ARHGEF3: variants seen among roughly 807,000 people sequenced by gnomAD.
ARHGEF3 encodes the protein Rho guanine nucleotide exchange factor 3, also known as 59.8 kDA protein.
ARHGEF3 carries 28 observed loss-of-function variants against 63.2 expected under a neutral mutation model. That is an observed-to-expected ratio of 0.44 (90% CI 0.33 to 0.61). The LOEUF (loss-of-function observed/expected upper bound fraction) is 0.61. Among genes scored for constraint, ARHGEF3 ranks in the 20% least tolerant of loss-of-function variants. ARHGEF3 has a pLI of 0.03. For synonymous variants in ARHGEF3, 266 were observed against 254.2 expected (o/e 1.05, Z -0.44); for missense variants, 533 against 659.3 (o/e 0.81, Z 2.10).
At chr3:56,863,212 A>T (rs1156987125) in intron 4 of ARHGEF3, among the ~76,000 whole-genome samples, 3 of 151,698 alleles carry the variant, frequency 2.0e-5, no homozygotes, top group Non-Finnish European at 4.4e-5. Flanking sequence ...ATCTCGGCAC[A>T]CTATAACCTC....
intron 3 of ARHGEF3, among the ~76,000 whole-genome samples, chr3:56,927,025 C>T (rs751131463): frequency 6.6e-6 from 1 of 152,124 alleles, no homozygotes; most frequent in Non-Finnish European, 1.5e-5. Flanking sequence ...GAACACAGAC[C>T]AGAAATAAAG....
intron 1 of ARHGEF3, among the ~76,000 whole-genome samples, chr3:56,790,551 A>G (rs1333133427): frequency 6.6e-6 from 1 of 152,194 alleles, no homozygotes; most frequent in East Asian, 1.9e-4. Flanking sequence ...TTGATGAGCC[A>G]CTTCCACCCC....
Position 56,924,619 on chromosome 3 carries a change from T to C in ARHGEF3, c.129+34204A>G, listed in dbSNP as rs111572855. Among the ~76,000 whole-genome samples, 777 of 152,310 alleles carry C rather than the reference T, an allele frequency of 5.1e-3. 5 individuals are homozygous for C. Among genetic ancestry groups the C allele is most frequent in the African/African-American group, 0.018 (754 of 41,570 alleles). ...ATTCATGCCTCCCCTTTATAGAACA[T>C]ATAGGGTAACTTCCTGACGTTGCCA... On this transcript the variant is annotated intron_variant, in intron 3 of 12. Transcript: ENST00000338458.
intron 4 of ARHGEF3, among the ~76,000 whole-genome samples, chr3:56,824,405 T>C (rs2038637038): frequency 6.6e-6 from 1 of 152,210 alleles, no homozygotes; most frequent in Non-Finnish European, 1.5e-5. Flanking sequence ...AGGGGCAGCA[T>C]TGTGCTGAGC....
chr3:56,828,338 A>G (rs547933191), intron 4 of ARHGEF3, among the ~76,000 whole-genome samples: 144 of 152,286 alleles, frequency 9.5e-4, no homozygotes, highest in Non-Finnish European at 1.2e-3. Context: ...ATTCGAGACC[A>G]GCCTGGCCAA....
intron 1 of ARHGEF3, among the ~76,000 whole-genome samples, chr3:56,794,488 CAA>C (rs10557985): frequency 6.8e-5 from 8 of 116,930 alleles, no homozygotes; most frequent in South Asian, 2.9e-4. Context: ...GACTCTATCT[CAA>C]AAAAAAAAAA....
At chr3:56,907,586 T>C (rs2041727563) in intron 3 of ARHGEF3, among the ~76,000 whole-genome samples, 1 of 152,320 alleles carries the variant, frequency 6.6e-6, no homozygotes, top group Non-Finnish European at 1.5e-5. Flanking sequence ...GTTGTAGCAC[T>C]ATTCACAATA....
chr3:56,834,150 G>T (rs917447640), intron 4 of ARHGEF3, among the ~76,000 whole-genome samples: 1 of 151,962 alleles, frequency 6.6e-6, no homozygotes, highest in Admixed American at 6.6e-5. Context: ...TGGTCTGCCC[G>T]CCTCAGCCTC....
intron 3 of ARHGEF3, among the ~76,000 whole-genome samples, chr3:56,887,247 G>A (rs2040954138): frequency 6.6e-6 from 1 of 152,206 alleles, no homozygotes; most frequent in African/African-American, 2.4e-5. Flanking sequence ...GCCAGAGAAT[G>A]CTGTGATCAC....
At chr3:56,956,453 C>T (rs910204178) in intron 3 of ARHGEF3, among the ~76,000 whole-genome samples, 2 of 152,100 alleles carry the variant, frequency 1.3e-5, no homozygotes, top group African/African-American at 2.4e-5. Context: ...ATGGGGCAAA[C>T]AGAGGGTCAC....
chr3:56,754,008 C>T lies in ARHGEF3; in HGVS notation c.376-442G>A, dbSNP rs3755624. 5.1e-4 allele frequency among the ~76,000 whole-genome samples: 77 copies of T among 152,292 alleles called. No homozygotes were observed. The East Asian group carries it at 0.012, about 24-fold the overall frequency. Reference sequence around the variant, plus strand: ...ACTTTTTCTTCTACTCGACAGAAGGCGAATCTCAGCAGAAAGTTTTATTTG... The same window carrying T: ...ACTTTTTCTTCTACTCGACAGAAGGTGAATCTCAGCAGAAAGTTTTATTTG... On this transcript the variant is annotated intron_variant, in intron 3 of 9. Coordinates refer to ENST00000296315, the MANE Select transcript of ARHGEF3 (RefSeq NM_019555.3).
chr3:56,774,890 A>T (rs2036204910), intron 1 of ARHGEF3: 1 of 1,027,920 alleles, frequency 9.7e-7, no homozygotes, highest in African/African-American at 1.7e-5. Flanking sequence ...TCTGTGTCAA[A>T]AAAACAAAAA....
At chr3:56,915,298 AC>A (rs199699181) in intron 3 of ARHGEF3, among the ~76,000 whole-genome samples, 2 of 16,580 alleles carry the variant, frequency 1.2e-4, no homozygotes, top group Non-Finnish European at 7.1e-4. Flanking sequence ...CCACGTCTCC[AC>A]AAAAAAAAAT....
At chr3:57,021,930 A>C (rs923868657) in intron 2 of ARHGEF3, among the ~76,000 whole-genome samples, 3 of 152,108 alleles carry the variant, frequency 2.0e-5, no homozygotes, top group Non-Finnish European at 4.4e-5. Flanking sequence ...AAGATCTGCA[A>C]AACTATTAGA....
intron 3 of ARHGEF3, among the ~76,000 whole-genome samples, chr3:56,943,734 A>C (rs1381594742): frequency 6.6e-6 from 1 of 152,072 alleles, no homozygotes; most frequent in Non-Finnish European, 1.5e-5. Context: ...GACCAACACG[A>C]TAAAACCCCA....
intron 2 of ARHGEF3, among the ~76,000 whole-genome samples, chr3:57,032,537 T>G (rs536727109): frequency 6.6e-6 from 1 of 152,346 alleles, no homozygotes; most frequent in African/African-American, 2.4e-5. Flanking sequence ...CCTTTTACTC[T>G]TTGGGTTGGT....
intron 2 of ARHGEF3, among the ~76,000 whole-genome samples, chr3:56,970,757 T>C (rs539919224): frequency 6.6e-6 from 1 of 152,354 alleles, no homozygotes; most frequent in African/African-American, 2.4e-5. Context: ...AGAACTGCAA[T>C]AGTCACTGTC....
At chr3:57,074,532 A>T in intron 1 of ARHGEF3, 1 of 475,200 alleles carries the variant, frequency 2.1e-6, no homozygotes, top group Non-Finnish European at 3.9e-6. Context: ...CCCCCGGGGA[A>T]CCTTCACTGT....
intron 3 of ARHGEF3, 77 bp downstream of exon 3, chr3:56,754,904 G>A (rs2034975363): frequency 3.8e-6 from 6 of 1,577,488 alleles, no homozygotes; most frequent in South Asian, 1.1e-5. Context: ...AGACTAAGGC[G>A]CAAATTCCAG....
Sources: gnomAD v4.1 joint callset for allele counts (sites outside exome capture counted in the v4.1 genomes callset) on GRCh38, gnomAD v4.1.1 for gene constraint, MANE v1.5 for transcripts, NCBI Gene and HGNC (gene_info 2026-07-23, HGNC 2026-07-21) for gene names.